The following XKR9 variants were observed in gnomAD, a reference collection of about 807,000 sequenced individuals.
The protein encoded by XKR9 is XK related 9.
A neutral mutation model predicts 32.0 loss-of-function variants in XKR9; 32 were observed. The observed-to-expected ratio is 1.00, with a 90% confidence interval of 0.76 to 1.34. The LOEUF (loss-of-function observed/expected upper bound fraction) is 1.34, where lower values mean the gene tolerates loss of function less well. Ranked by LOEUF, XKR9 falls within the 40% of genes most tolerant of loss-of-function variation. XKR9 has a pLI of 0.00. For synonymous variants in XKR9, 168 were observed against 143.4 expected (o/e 1.17, Z -1.22); for missense variants, 546 against 429.7 (o/e 1.27, Z -2.39).
rs1451273017 is a variant in XKR9 at position 70,681,266 on chromosome 8, G to A, written c.208G>A (p.Ala70Thr). ...TTGGTTCAAGGCTGATTTAAAGAAAGCAGGCCAAGAAAGTCAGCATTGTTT... is the reference window on the plus strand; with the variant it reads ...TTGGTTCAAGGCTGATTTAAAGAAAACAGGCCAAGAAAGTCAGCATTGTTT... ...YSWFKADLKK[A>T]GQESQHCFLL... Residue 70 changes from alanine (A) to threonine (T), a missense_variant, in exon 3 of 5, where the codon GCA becomes ACA. Coordinates refer to ENST00000408926, the MANE Select transcript of XKR9 (RefSeq NM_001011720.2). 1 of 1,613,244 alleles carries A rather than the reference G, an allele frequency of 6.2e-7. No homozygotes were observed. Among genetic ancestry groups the A allele is most frequent in the Non-Finnish European group, 8.5e-7 (1 of 1,179,574 alleles).
chr8:70,778,044 G>A lies in XKR9; in HGVS notation n.353-11295G>A, dbSNP rs183289955. Among the ~76,000 whole-genome samples, 444 of 152,204 alleles carry A rather than the reference G, an allele frequency of 2.9e-3. 2 individuals are homozygous for A. Among genetic ancestry groups the A allele is most frequent in the African/African-American group, 0.01 (418 of 41,548 alleles). The stretch of plus-strand genomic sequence containing the variant: ...GTCCTTGCCCATGCCTATGTCCTGA[G>A]TGGTATTGCCTAGGTTTCCTTCTAA... On this transcript the variant is annotated intron_variant and non_coding_transcript_variant, in intron 2 of 3. Coordinates refer to the XKR9 transcript ENST00000520273.
intron 2 of XKR9, among the ~76,000 whole-genome samples, chr8:70,775,744 G>C (rs974350490): frequency 2.3e-5 from 3 of 132,782 alleles, no homozygotes; most frequent in Non-Finnish European, 5.2e-5. Context: ...GGGAATATTG[G>C]TCATTTTTTT....
At chr8:70,828,725 A>C in the XKR9 span, among the ~76,000 whole-genome samples, 1 of 127,860 alleles carries the variant, frequency 7.8e-6, no homozygotes, top group African/African-American at 2.6e-5. Context: ...TGTCTCAAAA[A>C]AAAAGAAAAA....
chr8:70,851,147 C>G, the XKR9 span, among the ~76,000 whole-genome samples: 1 of 152,128 alleles, frequency 6.6e-6, no homozygotes, highest in Admixed American at 6.5e-5. Context: ...AATAGACAAA[C>G]AGGGAGGCAA....
chr8:70,940,042 A>C, the XKR9 span, among the ~76,000 whole-genome samples: 1 of 152,084 alleles, frequency 6.6e-6, no homozygotes, highest in Non-Finnish European at 1.5e-5. Context: ...TAAAAATAAA[A>C]CAAACACCGA....
chr8:70,796,404 G>T, the XKR9 span, among the ~76,000 whole-genome samples: 2 of 151,768 alleles, frequency 1.3e-5, no homozygotes, highest in Admixed American at 6.6e-5. Context: ...TTTTATATTT[G>T]TGTATGTTCA....
chr8:70,707,981 G>C (rs1446401959), intron 4 of XKR9, among the ~76,000 whole-genome samples: 6 of 151,970 alleles, frequency 3.9e-5, no homozygotes, highest in Non-Finnish European at 8.8e-5. Flanking sequence ...CAGGGGATAA[G>C]ATTGTTATCT....
the XKR9 span, among the ~76,000 whole-genome samples, chr8:70,946,006 G>C: frequency 6.6e-6 from 1 of 152,184 alleles, no homozygotes; most frequent in Non-Finnish European, 1.5e-5. Context: ...ATGGTGGTGC[G>C]CGCCTGTAGT....
At chr8:70,897,728 A>G in the XKR9 span, among the ~76,000 whole-genome samples, 1 of 152,168 alleles carries the variant, frequency 6.6e-6, no homozygotes, top group Non-Finnish European at 1.5e-5. Context: ...TAGGATTATT[A>G]GATTTTTTTC....
At chr8:70,953,203 A>G in the XKR9 span, among the ~76,000 whole-genome samples, 3 of 152,254 alleles carry the variant, frequency 2.0e-5, no homozygotes, top group African/African-American at 7.2e-5. Flanking sequence ...GAGAACAATG[A>G]TTATAGCAGG....
chr8:70,860,398 A>G, the XKR9 span, among the ~76,000 whole-genome samples: 1 of 152,160 alleles, frequency 6.6e-6, no homozygotes, highest in African/African-American at 2.4e-5. Flanking sequence ...CTGACCAACT[A>G]TGATGGCACC....
At chr8:70,956,472 G>A in the XKR9 span, among the ~76,000 whole-genome samples, 1 of 152,160 alleles carries the variant, frequency 6.6e-6, no homozygotes, top group African/African-American at 2.4e-5. Context: ...TCTTACTCCA[G>A]GTGCCCACTT....
rs190675112 is a variant in XKR9 at position 70,744,211 on chromosome 8, T to A, written n.352+37058T>A. On this transcript the variant is annotated intron_variant and non_coding_transcript_variant, in intron 2 of 3. Coordinates refer to the XKR9 transcript ENST00000520273. Reference sequence around the variant, plus strand: ...CTCTAATCCCAGCTACTTGGGAGGCTGAGGAAGGAGAATCACTCGAACTGG... The same window carrying A: ...CTCTAATCCCAGCTACTTGGGAGGCAGAGGAAGGAGAATCACTCGAACTGG... 3.4e-4 allele frequency among the ~76,000 whole-genome samples: 51 copies of A among 151,924 alleles called. 1 individual carries two copies. The East Asian group carries it at 5.5e-3, about 16-fold the overall frequency.
the XKR9 span, among the ~76,000 whole-genome samples, chr8:70,988,389 A>T: frequency 6.6e-6 from 1 of 152,082 alleles, no homozygotes; most frequent in Non-Finnish European, 1.5e-5. Context: ...AAACAAAATA[A>T]ATAACAGCAT....
At chr8:70,717,103 C>T (rs1302550712) in intron 4 of XKR9, among the ~76,000 whole-genome samples, 1 of 152,214 alleles carries the variant, frequency 6.6e-6, no homozygotes, top group African/African-American at 2.4e-5. Context: ...GCCTTGGCAG[C>T]TCTGCCCCTG....
the XKR9 span, among the ~76,000 whole-genome samples, chr8:70,815,840 G>A: frequency 6.6e-6 from 1 of 151,904 alleles, no homozygotes; most frequent in Non-Finnish European, 1.5e-5. Context: ...TCTTTTTTAT[G>A]GCTTTTTATT....
At chr8:70,804,823 A>G in the XKR9 span, among the ~76,000 whole-genome samples, 1 of 152,140 alleles carries the variant, frequency 6.6e-6, no homozygotes, top group Non-Finnish European at 1.5e-5. Flanking sequence ...GACTCATTTT[A>G]TTTTGCATAT....
At chr8:70,766,381 T>A (rs1478077839) in intron 2 of XKR9, among the ~76,000 whole-genome samples, 1 of 152,184 alleles carries the variant, frequency 6.6e-6, no homozygotes, top group Non-Finnish European at 1.5e-5. Flanking sequence ...TGAATGGGAG[T>A]TCACTCATGA....
the XKR9 span, among the ~76,000 whole-genome samples, chr8:70,814,301 G>A: frequency 6.6e-6 from 1 of 151,992 alleles, no homozygotes; most frequent in Non-Finnish European, 1.5e-5. Flanking sequence ...GTGGGGTGGG[G>A]GAAAGGGGGA....
Sources: gnomAD v4.1 joint callset for allele counts (sites outside exome capture counted in the v4.1 genomes callset) on GRCh38, gnomAD v4.1.1 for gene constraint, MANE v1.5 for transcripts, NCBI Gene and HGNC (gene_info 2026-07-23, HGNC 2026-07-21) for gene names.